The following SCARF1 variants were observed in gnomAD, a reference collection of about 807,000 sequenced individuals.
The protein encoded by SCARF1 is scavenger receptor class F member 1, also known as acetyl LDL receptor.
Under a neutral mutation model 76.3 loss-of-function variants are expected in SCARF1, and 49 were observed. The ratio of observed to expected loss-of-function variants is 0.64; its 90% confidence interval spans 0.51 to 0.81. The LOEUF is 0.81. Among genes scored for constraint, SCARF1 ranks in the 40% least tolerant of loss-of-function variants. The probability of loss-of-function intolerance (pLI) is 0.00; values close to 1 mark genes in which losing one functional copy is unlikely to be tolerated. For synonymous variants in SCARF1, 495 were observed against 474.6 expected (o/e 1.04, Z -0.56); for missense variants, 1,098 against 1,143.9 (o/e 0.96, Z 0.58).
intron 7 of SCARF1, 73 bp from the exon 8 acceptor site, chr17:1,638,999 C>A: frequency 7.0e-7 from 1 of 1,438,662 alleles, no homozygotes; most frequent in Non-Finnish European, 9.3e-7. Flanking sequence ...TCTGAGTTGC[C>A]TGCTACCCAG....
Position 1,639,678 on chromosome 17 carries a change from C to G in SCARF1, c.1204G>C (p.Glu402Gln). ...NNCSVPCECP[E>Q]GLCHPVSGSC... ...CCAGAGACAGGGTGGCAGAGTCCCT[C>G]TGGGCATTCACAAGGAACTGAGCAG... The change falls in exon 7 of 11, where the codon GAG (glutamate) becomes CAG (glutamine). Residue 402 changes from glutamate to glutamine, a missense_variant. By Grantham distance (29) the Glu-to-Gln change is conservative. Transcript: ENST00000263071. 2 of 1,584,282 alleles carry G rather than the reference C, an allele frequency of 1.3e-6. No individual in the cohort carries two copies. Among genetic ancestry groups the G allele is most frequent in the Non-Finnish European group, 1.7e-6 (2 of 1,165,748 alleles).
Position 1,643,855 on chromosome 17 carries a change from TC to T in SCARF1, c.377del (p.Gly126GlufsTer241). 7.9e-7 allele frequency: 1 copy of T among 1,273,586 alleles called. No homozygotes were observed. The highest frequency in any genetic ancestry group is 2.8e-5 in the South Asian group (1 of 35,352). 78.9% of individuals were successfully genotyped at this position (1,273,586 alleles called of 1,614,324 possible). ...AGGCGCACGGGAACTCGCAGCGGGC[TC>T]CCCAGCGGTCGGCCTGGCACTGGCA... ...GACQCQADRWGARCEFPCACG... is the reference protein window; with the variant it reads ...GACQCQADRWXARCEFPCACG... On this transcript the variant is annotated frameshift_variant, in exon 4 of 11. Coordinates refer to ENST00000263071, the MANE Select transcript of SCARF1 (RefSeq NM_003693.4). LOFTEE classifies it high-confidence loss of function.
In SCARF1 at chr17:1,635,008, C is replaced by A. The variant is rs3760460; in HGVS notation, c.2243G>T (p.Gly748Val). Residue 748 changes from glycine (G) to valine (V), a missense_variant, in exon 11 of 11, where the codon GGC (glycine) becomes GTC (valine). By Grantham distance (109) the Gly-to-Val change is moderately radical (BLOSUM62 -3). Transcript: ENST00000263071. Reference sequence around the variant, plus strand: ...TGAGTTGGGGCTCTGGCCGACAGAGCCAGAGGCAAGGCCAGGGCTGCCCTT... The same window carrying A: ...TGAGTTGGGGCTCTGGCCGACAGAGACAGAGGCAAGGCCAGGGCTGCCCTT... ...RKKGSPGLASGSVGQSPNSAP... is the reference protein window; with the variant it reads ...RKKGSPGLASVSVGQSPNSAP... The A allele has an allele frequency of 9.7e-3, 15,734 of 1,613,864 alleles. 796 individuals carry two copies. The African/African-American group carries it at 0.13, about 13-fold the overall frequency.
chr17:1,637,051 T>C lies in SCARF1; in HGVS notation c.1376A>G (p.Asp459Gly), dbSNP rs543870820. The part of the protein sequence containing the change: ...RSDLKDRPAR[D>G]GATVSRMKLQ... ...CTTCATCCTGGACACGGTAGCTCCA[T>C]CTCTCGCTGGCCTGAGGGAGGAGGG... The change falls in exon 9 of 11, where the codon GAT (aspartate) becomes GGT (glycine). Residue 459 changes from aspartate (D) to glycine (G), a missense_variant. By Grantham distance (94) the Asp-to-Gly change is moderately conservative. Coordinates refer to ENST00000263071, the MANE Select transcript of SCARF1 (RefSeq NM_003693.4). 7.5e-5 allele frequency: 121 copies of C among 1,613,874 alleles called. 1 individual carries two copies. In the South Asian group the frequency reaches 7.8e-4, roughly 10 times the overall value.
In SCARF1 at chr17:1,643,504, G is replaced by C. The variant is rs1910260443; in HGVS notation, c.729C>G (p.Phe243Leu). Reference sequence around the variant, plus strand: ...AGGGCAGCTCGCAGCGCGCTCCGCGGAAGCCGGGCGGGCAGGTGCACTCGC... The same window carrying C: ...AGGGCAGCTCGCAGCGCGCTCCGCGCAAGCCGGGCGGGCAGGTGCACTCGC... ...ASGECTCPPG[F>L]RGARCELPCP... Residue 243 changes from phenylalanine to leucine, a missense_variant, in exon 4 of 11, where the codon TTC (phenylalanine) becomes TTG (leucine). Physicochemically the swap from Phe to Leu is conservative, Grantham distance 22. Coordinates refer to ENST00000263071, the MANE Select transcript of SCARF1 (RefSeq NM_003693.4). 1.5e-6 allele frequency: 2 copies of C among 1,347,222 alleles called. No homozygotes were observed. The highest frequency in any genetic ancestry group is 1.9e-6 in the Non-Finnish European group (2 of 1,056,348). The allele number at this position is 1,347,222 out of a possible 1,614,324, so 83.5% of individuals were successfully genotyped here.
chr17:1,643,822 G>A lies in SCARF1; in HGVS notation c.411C>T (p.Pro137=), dbSNP rs1159807960. The A allele has an allele frequency of 2.4e-6, 3 of 1,269,018 alleles. No individual in the cohort carries two copies. In the East Asian group the frequency reaches 9.5e-5, roughly 40 times the overall value. The allele number at this position is 1,269,018 out of a possible 1,614,324, so 78.6% of individuals were successfully genotyped here. A position where few individuals can be genotyped will look rare whatever the true frequency, so the allele number is the denominator to read the frequency against. ...CGGTCGCGGGGTCGCAGCGCCCGTG[G>A]GGGCCGCAGGCGCACGGGAACTCGC... ...ARCEFPCACG[P]HGRCDPATGV... is the part of the protein sequence containing the mutation. Residue 137 remains proline, a synonymous_variant, in exon 4 of 11, where the codon CCC becomes CCT. Coordinates refer to ENST00000263071, the MANE Select transcript of SCARF1 (RefSeq NM_003693.4).
At position 1,644,462 on chromosome 17, in the gene SCARF1, T is replaced by C; in HGVS notation, c.265+372A>G. ...CCAACCCCTTTCCCTTCCCTCTCTTTCTGCCAGAGAGGGCAGAGAGCCCAG... is the reference window on the plus strand; with the variant it reads ...CCAACCCCTTTCCCTTCCCTCTCTTCCTGCCAGAGAGGGCAGAGAGCCCAG... On this transcript the variant is annotated intron_variant, in intron 3 of 10. Coordinates refer to ENST00000263071, the MANE Select transcript of SCARF1 (RefSeq NM_003693.4). The surrounding 1 kb of genome is among the most constrained non-coding windows in gnomAD (Gnocchi z 4.8). 1 of 322,958 alleles carries C rather than the reference T, an allele frequency of 3.1e-6. No individual in the cohort carries two copies. Among genetic ancestry groups the C allele is most frequent in the South Asian group, 5.4e-5 (1 of 18,554 alleles). 20.0% of individuals were successfully genotyped at this position (322,958 alleles called of 1,614,324 possible). A position where few individuals can be genotyped will look rare whatever the true frequency, so the allele number is the denominator to read the frequency against.
Position 1,638,910 on chromosome 17 carries a change from G to A in SCARF1, c.1260C>T (p.Asp420=). ...GSCQPGSGSR[D]TALIAGSLVP... ...CAAGGCTGCCCGCGATGAGGGCAGT[G>A]TCCCGACTGCCAGAGCCTGGGGGAG... Residue 420 remains aspartate (D), a synonymous_variant, in exon 8 of 11, where the codon GAC becomes GAT. Transcript: ENST00000263071. 1 of 1,599,754 alleles carries A rather than the reference G, an allele frequency of 6.3e-7. No homozygotes were observed. Among genetic ancestry groups the A allele is most frequent in the South Asian group, 1.1e-5 (1 of 89,008 alleles).
chr17:1,635,289 C>T lies in SCARF1; in HGVS notation c.1962G>A (p.Gly654=). ...GCCGCCGGTGGCCAGTGGCTGAATC[C>T]CCGGGACTGGCAGCCGCCGGAAAGG... ...PESFPAAASP[G]DSATGHRRPP... The change falls in exon 11 of 11, where the codon GGG becomes GGA. Residue 654 remains glycine (G), a synonymous_variant. Coordinates refer to ENST00000263071, the MANE Select transcript of SCARF1 (RefSeq NM_003693.4). The T allele has an allele frequency of 6.2e-7, 1 of 1,612,312 alleles. No homozygotes were observed. The highest frequency in any genetic ancestry group is 8.5e-7 in the Non-Finnish European group (1 of 1,179,322).
chr17:1,645,674 C>CAGT lies in SCARF1; in HGVS notation c.23_24insACT (p.Leu12dup). 1 of 1,607,144 alleles carries CAGT rather than the reference C, an allele frequency of 6.2e-7. No individual in the cohort carries two copies. Among genetic ancestry groups the CAGT allele is most frequent in the South Asian group, 1.1e-5 (1 of 90,586 alleles). On this transcript the variant is annotated inframe_insertion, in exon 1 of 11. Transcript: ENST00000263071. This position sits in a 1 kb window ranked among gnomAD's most constrained non-coding sequence, Gnocchi z 6.3. ...TCCCCCGAGTCCAGAGCAGCAGCAG[C>CAGT]GGGAGCAGCAGCCCCAGCCCCATGG... is the stretch of plus-strand genomic sequence containing the variant.
At chr17:1,639,535 T>A in intron 7 of SCARF1, 104 bp downstream of exon 7, 5 of 689,480 alleles carry the variant, frequency 7.3e-6, no homozygotes, top group Non-Finnish European at 9.9e-6. Context: ...AAAGAATATC[T>A]CTGAAGTGGG....
At position 1,643,645 on chromosome 17, in the gene SCARF1, G is replaced by A; in HGVS notation, c.588C>T (p.Cys196=). 6.8e-7 allele frequency: 1 copy of A among 1,472,638 alleles called. No individual in the cohort carries two copies. 91.2% of individuals were successfully genotyped at this position (1,472,638 alleles called of 1,614,324 possible). Residue 196 remains cysteine (C), a synonymous_variant, in exon 4 of 11, where the codon TGC becomes TGT. Coordinates refer to ENST00000263071, the MANE Select transcript of SCARF1 (RefSeq NM_003693.4). ...WGRRCSFRCN[C]HGSPCEQDSG... ...AGTCCTGCTCGCACGGGGAGCCGTG[G>A]CAGTTGCAGCGGAAGCTGCAGCGGC...
In SCARF1 at chr17:1,634,653, G is replaced by A. The variant is rs1909361701; in HGVS notation, c.*105C>T. 1.4e-6 allele frequency: 2 copies of A among 1,437,552 alleles called. No homozygotes were observed. The highest frequency in any genetic ancestry group is 1.9e-6 in the Non-Finnish European group (2 of 1,078,378). The allele number at this position is 1,437,552 out of a possible 1,614,324, so 89.0% of individuals were successfully genotyped here. A position where few individuals can be genotyped will look rare whatever the true frequency, so the allele number is the denominator to read the frequency against. On this transcript the variant is annotated 3_prime_UTR_variant, in exon 11 of 11. Coordinates refer to ENST00000263071, the MANE Select transcript of SCARF1 (RefSeq NM_003693.4). ...CCTGGAAGCCTTGCCTTTTCCCTGT[G>A]GAGGCGCAGAGGCTCTGGTTTGTCT...
chr17:1,637,286 T>G (rs1488437188), intron 8 of SCARF1, among the ~76,000 whole-genome samples: 1 of 152,142 alleles, frequency 6.6e-6, no homozygotes, highest in African/African-American at 2.4e-5. Flanking sequence ...GGTTCACACT[T>G]CACCTCCCTA....
rs779225306 is a variant in SCARF1, at chr17:1,644,897, C to A, written c.202G>T (p.Val68Leu). 6.2e-7 allele frequency: 1 copy of A among 1,613,440 alleles called. No individual in the cohort carries two copies. The highest frequency in any genetic ancestry group is 8.5e-7 in the Non-Finnish European group (1 of 1,179,978). ...EGPDACQKDE[V>L]CVKPGLCRCK... ...CGACAGAGGCCCGGCTTCACACACA[C>A]CTCGTCTTTCTGGCAGGCGTCCGGC... The change falls in exon 3 of 11, where the codon GTG becomes TTG. Residue 68 changes from valine (V) to leucine (L), a missense_variant. By Grantham distance (32) the Val-to-Leu change is conservative (BLOSUM62 1). Transcript: ENST00000263071. This position sits in a 1 kb window ranked among gnomAD's most constrained non-coding sequence, Gnocchi z 4.8.
intron 7 of SCARF1, 142 bp downstream of exon 7, chr17:1,639,497 C>T (rs1308048034): frequency 6.3e-6 from 4 of 636,196 alleles, no homozygotes; most frequent in Non-Finnish European, 1.1e-5. Context: ...AGAGCAAGAC[C>T]TCGTCTTAAG....
intron 4 of SCARF1, among the ~76,000 whole-genome samples, chr17:1,641,900 T>A (rs1910083006): frequency 1.3e-5 from 2 of 152,104 alleles, no homozygotes; most frequent in African/African-American, 4.8e-5. Context: ...TTTTGTATTT[T>A]TAGTAGAGAC....
rs1184961903 is a variant in SCARF1, at chr17:1,644,870, A to T, written c.229T>A (p.Cys77Ser). ...TGGGCCCCAAAGAATCCAGGCTTGC[A>T]TCGACAGAGGCCCGGCTTCACACAC... ...EVCVKPGLCR[C>S]KPGFFGAHCS... The change falls in exon 3 of 11, where the codon TGC becomes AGC. Residue 77 changes from cysteine (C) to serine (S), a missense_variant. Cys to Ser is a moderately radical substitution (Grantham distance 112). Transcript: ENST00000263071. The surrounding 1 kb of genome is among the most constrained non-coding windows in gnomAD (Gnocchi z 4.8). 1 of 1,613,394 alleles carries T rather than the reference A, an allele frequency of 6.2e-7. No homozygotes were observed. The highest frequency in any genetic ancestry group is 8.5e-7 in the Non-Finnish European group (1 of 1,179,950).
chr17:1,641,463 T>C (rs1910041446), intron 4 of SCARF1, among the ~76,000 whole-genome samples: 1 of 152,214 alleles, frequency 6.6e-6, no homozygotes, highest in African/African-American at 2.4e-5. Flanking sequence ...GATTACAGTG[T>C]AATAATAGAA....
Sources: allele counts gnomAD v4.1 joint callset (sites outside exome capture counted in the v4.1 genomes callset), GRCh38; gene constraint gnomAD v4.1.1; non-coding constraint Gnocchi (gnomAD v3.1); transcripts MANE v1.5; gene names NCBI Gene and HGNC (gene_info 2026-07-23, HGNC 2026-07-21).